Variants in ZNF737 observed in about 807,000 individuals in gnomAD.
ZNF737 encodes zinc finger protein 737.
Under a neutral mutation model 11.7 loss-of-function variants are expected in ZNF737, and 13 were observed. The observed-to-expected ratio is 1.11, with a 90% CI of 0.73 to 1.77. ZNF737 has a LOEUF of 1.77. Among genes scored for constraint, ZNF737 ranks in the 40% most tolerant of loss-of-function variants. The probability of loss-of-function intolerance (pLI) is 0.00; values close to 1 mark genes in which losing one functional copy is unlikely to be tolerated. For synonymous variants in ZNF737, 217 were observed against 216.2 expected (o/e 1.00, Z -0.03); for missense variants, 636 against 638.0 (o/e 1.00, Z 0.03).
At chr19:20,563,111 C>A in intron 1 of ZNF737, among the ~76,000 whole-genome samples, 1 of 82,078 alleles carries the variant, frequency 1.2e-5, no homozygotes, top group East Asian at 4.1e-4. Context: ...TTTTATTTTA[C>A]AAAGTGTAGA....
chr19:20,557,314 C>CAA (rs1157225373), intron 1 of ZNF737, among the ~76,000 whole-genome samples: 6 of 152,080 alleles, frequency 3.9e-5, no homozygotes, highest in Non-Finnish European at 7.4e-5. Context: ...ACTTTGATCT[C>CAA]TTCTAATCAG....
chr19:20,536,704 G>A (rs1015062180), downstream of ZNF737, among the ~76,000 whole-genome samples: 1 of 152,192 alleles, frequency 6.6e-6, no homozygotes, highest in Admixed American at 6.5e-5. Flanking sequence ...CACTTTGGGA[G>A]GCTGAGGCTG....
chr19:20,531,142 C>G (rs1967815674), downstream of ZNF737, among the ~76,000 whole-genome samples: 1 of 145,010 alleles, frequency 6.9e-6, no homozygotes, highest in African/African-American at 2.6e-5. Flanking sequence ...GCAGGAGAAT[C>G]AGGCAGGGAG....
chr19:20,530,474 G>A, the ZNF737 span, among the ~76,000 whole-genome samples: 1 of 149,086 alleles, frequency 6.7e-6, no homozygotes, highest in African/African-American at 2.5e-5. Context: ...TCCCAGATGG[G>A]GTGGCAGCCG....
chr19:20,552,891 A>G (rs1161643111), intron 2 of ZNF737, among the ~76,000 whole-genome samples: 5 of 151,998 alleles, frequency 3.3e-5, no homozygotes, highest in African/African-American at 1.2e-4. Context: ...TTGCCCCTGT[A>G]GTCCCAGATA....
At position 20,543,909 on chromosome 19, in the gene ZNF737, C is replaced by T. The variant is rs998462615; in HGVS notation, c.*683G>A. ...TTAGGAGGCCAAGGTGGGTGGATCA[C>T]CTGAGGTCAGGAGTTCGAGACCAGC... On this transcript the variant is annotated 3_prime_UTR_variant, in exon 4 of 4. Transcript: ENST00000427401. 2 of 903,366 alleles carry T rather than the reference C, an allele frequency of 2.2e-6. No individual in the cohort carries two copies. The highest frequency in any genetic ancestry group is 3.6e-5 in the African/African-American group (2 of 55,140). 56.0% of individuals were successfully genotyped at this position (903,366 alleles called of 1,614,324 possible). A position where few individuals can be genotyped will look rare whatever the true frequency, so the allele number is the denominator to read the frequency against.
intron 3 of ZNF737, among the ~76,000 whole-genome samples, chr19:20,551,418 A>G (rs2144651199): frequency 7.6e-6 from 1 of 130,962 alleles, no homozygotes; most frequent in South Asian, 2.6e-4. Flanking sequence ...AACATGAGTG[A>G]AACCCCATCT....
chr19:20,560,145 C>A (rs1482692902), intron 1 of ZNF737, among the ~76,000 whole-genome samples: 1 of 139,876 alleles, frequency 7.1e-6, no homozygotes, highest in Non-Finnish European at 1.5e-5. Context: ...CGCAGTCCGG[C>A]CTGGGCGACA....
chr19:20,530,517 G>A, the ZNF737 span, among the ~76,000 whole-genome samples: 9 of 147,320 alleles, frequency 6.1e-5, 2 homozygotes, highest in South Asian at 4.5e-4. Flanking sequence ...CAGATGGGGC[G>A]GTTGCCAGGC....
rs146512159 is a variant in ZNF737 at position 20,542,691 on chromosome 19, T to C, written c.*1901A>G. On this transcript the variant is annotated 3_prime_UTR_variant, in exon 4 of 4. Transcript: ENST00000427401. ...TATACATTACTTAATAGAATTTTAC[T>C]ACAAACAGCTTCTCCACTTGTATTT... The C allele has an allele frequency of 1.8e-5, 18 of 984,264 alleles. No homozygotes were observed. The East Asian group carries it at 1.9e-3, about 106-fold the overall frequency. 61.0% of individuals were successfully genotyped at this position (984,264 alleles called of 1,614,324 possible).
At position 20,539,373 on chromosome 19, in the gene ZNF737, C is replaced by A; in HGVS notation, c.*5219G>T. The A allele has an allele frequency of 1.0e-6, 1 of 985,260 alleles. No homozygotes were observed. Among genetic ancestry groups the A allele is most frequent in the Non-Finnish European group, 1.2e-6 (1 of 829,896 alleles). The allele number at this position is 985,260 out of a possible 1,614,324, so 61.0% of individuals were successfully genotyped here. A position where few individuals can be genotyped will look rare whatever the true frequency, so the allele number is the denominator to read the frequency against. On this transcript the variant is annotated 3_prime_UTR_variant, in exon 4 of 4. Coordinates refer to ENST00000427401, the MANE Select transcript of ZNF737 (RefSeq NM_001159293.2). The stretch of plus-strand genomic sequence containing the variant: ...AAATACTCCCTTTGAATACTTTAGC[C>A]AGGATTTCAGATTTCAAAAGGTCAA...
At chr19:20,535,099 G>A (rs1967925413), downstream of ZNF737, among the ~76,000 whole-genome samples, 1 of 135,060 alleles carries the variant, frequency 7.4e-6, no homozygotes, top group African/African-American at 2.8e-5. Flanking sequence ...TCAACATGGT[G>A]AAAGCCTGCC....
chr19:20,539,269 GAC>G lies in ZNF737; in HGVS notation c.*5321_*5322del. On this transcript the variant is annotated 3_prime_UTR_variant, in exon 4 of 4. Coordinates refer to ENST00000427401, the MANE Select transcript of ZNF737 (RefSeq NM_001159293.2). ...CGTACCATTGCAGTGCAGCGTGAGTGACAGAGTGAGAATCCTTCTAAAAAAAA... is the reference window on the plus strand; with the variant it reads ...CGTACCATTGCAGTGCAGCGTGAGTGAGAGTGAGAATCCTTCTAAAAAAAA... 1.0e-6 allele frequency: 1 copy of G among 958,148 alleles called. No homozygotes were observed. The highest frequency in any genetic ancestry group is 1.2e-6 in the Non-Finnish European group (1 of 805,926). 59.4% of individuals were successfully genotyped at this position (958,148 alleles called of 1,614,324 possible).
intron 1 of ZNF737, among the ~76,000 whole-genome samples, chr19:20,563,608 C>T (rs1414938509): frequency 6.6e-6 from 1 of 151,606 alleles, no homozygotes; most frequent in Non-Finnish European, 1.5e-5. Context: ...GCCTCAGCCT[C>T]CCATGTTGTT....
At position 20,540,864 on chromosome 19, in the gene ZNF737, CTAT is replaced by C. The variant is rs1568422831; in HGVS notation, c.*3725_*3727del. The C allele has an allele frequency of 1.1e-6, 1 of 947,986 alleles. No individual in the cohort carries two copies. The highest frequency in any genetic ancestry group is 1.8e-5 in the African/African-American group (1 of 56,396). The allele number at this position is 947,986 out of a possible 1,614,324, so 58.7% of individuals were successfully genotyped here. Reference sequence around the variant, plus strand: ...TTTTAGTTTTATTCATTACAAATAACTATTTTTCTGGCTTAAATTATTTTTTAT... The same window carrying C: ...TTTTAGTTTTATTCATTACAAATAACTTTTCTGGCTTAAATTATTTTTTAT... On this transcript the variant is annotated 3_prime_UTR_variant, in exon 4 of 4. Transcript: ENST00000427401.
intron 3 of ZNF737, 24 bp downstream of exon 3, chr19:20,552,451 A>G (rs781995378): frequency 6.2e-5 from 94 of 1,524,336 alleles, no homozygotes; most frequent in Middle Eastern, 3.4e-4. Context: ...GTCGTCTGCT[A>G]TATTCATTTT....
intron 3 of ZNF737, chr19:20,551,385 C>T (rs1388579482): frequency 2.0e-5 from 3 of 146,506 alleles, no homozygotes; most frequent in African/African-American, 2.6e-5. Flanking sequence ...GCCGAAATCA[C>T]GCCATTGCAC....
chr19:20,548,468 A>G (rs1245848558), intron 3 of ZNF737, among the ~76,000 whole-genome samples: 1 of 152,310 alleles, frequency 6.6e-6, no homozygotes, highest in East Asian at 1.9e-4. Context: ...ATAAAATCAG[A>G]AAGTGGAAGG....
intron 3 of ZNF737, among the ~76,000 whole-genome samples, chr19:20,551,747 T>C (rs1285798143): frequency 6.6e-6 from 1 of 151,658 alleles, no homozygotes; most frequent in Non-Finnish European, 1.5e-5. Flanking sequence ...ATGTTTACAA[T>C]AAAAAAATGA....
Sources: gnomAD v4.1 joint callset for allele counts (sites outside exome capture counted in the v4.1 genomes callset) on GRCh38, gnomAD v4.1.1 for gene constraint, MANE v1.5 for transcripts, NCBI Gene and HGNC (gene_info 2026-07-23, HGNC 2026-07-21) for gene names.